The following EIF3H variants were observed in gnomAD, a reference collection of about 807,000 sequenced individuals.
EIF3H encodes the protein eIF-3-gamma.
In EIF3H, 26 loss-of-function variants were observed where a neutral mutation model predicts 44.2. The observed-to-expected ratio is 0.59, with a 90% CI of 0.43 to 0.82. The LOEUF (loss-of-function observed/expected upper bound fraction) is 0.82, where lower values mean the gene tolerates loss of function less well. Among genes scored for constraint, EIF3H ranks in the 40% least tolerant of loss-of-function variants. The pLI is 0.00. For missense variants in EIF3H, 359 were observed against 432.8 expected, an observed-to-expected ratio of 0.83 and a Z score of 1.51; for synonymous variants, 166 against 151.9, an observed-to-expected ratio of 1.09 and a Z score of -0.68.
chr8:116,697,178 CTG>C, intron 2 of EIF3H: 1 of 456,234 alleles, frequency 2.2e-6, no homozygotes, highest in Non-Finnish European at 4.4e-6. Context: ...GCCTCTTCTC[CTG>C]TGTGTGCTTG....
chr8:116,649,892 G>C (rs1261116280), intron 5 of EIF3H, among the ~76,000 whole-genome samples: 1 of 152,196 alleles, frequency 6.6e-6, no homozygotes, highest in African/African-American at 2.4e-5. Context: ...AGATGAGTCA[G>C]CTATGCCAAA....
intron 2 of EIF3H, among the ~76,000 whole-genome samples, chr8:116,681,166 C>T (rs1348058903): frequency 6.6e-6 from 1 of 151,986 alleles, no homozygotes; most frequent in African/African-American, 2.4e-5. Flanking sequence ...AGTTCGAGAC[C>T]AGCCTGGACA....
chr8:116,674,563 T>G (rs1247806812), intron 2 of EIF3H, among the ~76,000 whole-genome samples: 3 of 152,166 alleles, frequency 2.0e-5, no homozygotes, highest in Admixed American at 2.0e-4. Context: ...AGAAAACACC[T>G]AGTACCTCTC....
intron 2 of EIF3H, among the ~76,000 whole-genome samples, chr8:116,718,058 T>C (rs1332471444): frequency 6.6e-6 from 1 of 151,464 alleles, no homozygotes; most frequent in Non-Finnish European, 1.5e-5. Flanking sequence ...AAAAAACAAT[T>C]GCATCAAAAA....
At chr8:116,732,459 C>A (rs1814965830) in intron 1 of EIF3H, among the ~76,000 whole-genome samples, 1 of 152,150 alleles carries the variant, frequency 6.6e-6, no homozygotes, top group African/African-American at 2.4e-5. Flanking sequence ...ACCTCCCTAT[C>A]AAAATCATAT....
chr8:116,759,716 T>C (rs987174112), upstream of EIF3H, among the ~76,000 whole-genome samples: 2 of 152,084 alleles, frequency 1.3e-5, no homozygotes, highest in African/African-American at 4.8e-5. Flanking sequence ...TGTATGTGTG[T>C]GTGTGCGTGT....
At chr8:116,740,260 A>G (rs1022398388) in intron 1 of EIF3H, among the ~76,000 whole-genome samples, 1 of 152,216 alleles carries the variant, frequency 6.6e-6, no homozygotes, top group African/African-American at 2.4e-5. Context: ...GTCTCTCAAA[A>G]TACGTGACCA....
At chr8:116,710,153 T>C (rs1298170297) in intron 2 of EIF3H, among the ~76,000 whole-genome samples, 1 of 152,188 alleles carries the variant, frequency 6.6e-6, no homozygotes, top group African/African-American at 2.4e-5. Context: ...TTAACCATAC[T>C]GTGTACTCAG....
At chr8:116,696,899 A>G (rs1231143811) in intron 2 of EIF3H, among the ~76,000 whole-genome samples, 1 of 152,276 alleles carries the variant, frequency 6.6e-6, no homozygotes, top group Non-Finnish European at 1.5e-5. Flanking sequence ...CACAGGTGAC[A>G]AAACTTTTGT....
At chr8:116,686,046 A>G (rs751575202) in intron 2 of EIF3H, among the ~76,000 whole-genome samples, 1 of 152,200 alleles carries the variant, frequency 6.6e-6, no homozygotes, top group Non-Finnish European at 1.5e-5. Context: ...GATTTTACCC[A>G]GCATTTTAAT....
At chr8:116,752,808 G>A (rs1815380971) in intron 1 of EIF3H, among the ~76,000 whole-genome samples, 1 of 139,118 alleles carries the variant, frequency 7.2e-6, no homozygotes, top group Non-Finnish European at 1.6e-5. Flanking sequence ...AAGGAAGGAA[G>A]GAAGGAAGGA....
At chr8:116,672,432 C>A (rs944016436) in intron 2 of EIF3H, among the ~76,000 whole-genome samples, 1 of 152,094 alleles carries the variant, frequency 6.6e-6, no homozygotes, top group Non-Finnish European at 1.5e-5. Context: ...TCGAGACCAG[C>A]GCAGATGACA....
chr8:116,712,271 C>T (rs1203448889), intron 2 of EIF3H, among the ~76,000 whole-genome samples: 1 of 152,130 alleles, frequency 6.6e-6, no homozygotes, highest in Non-Finnish European at 1.5e-5. Flanking sequence ...AGGGAGTCAC[C>T]CATCCAATTC....
chr8:116,720,001 T>C (rs143758178), intron 2 of EIF3H, among the ~76,000 whole-genome samples: 148 of 152,312 alleles, frequency 9.7e-4, no homozygotes, highest in African/African-American at 3.3e-3. Flanking sequence ...AGTCCCTGTA[T>C]TACCAATTCC....
intron 2 of EIF3H, among the ~76,000 whole-genome samples, chr8:116,691,706 C>A (rs968607316): frequency 2.6e-5 from 4 of 152,096 alleles, no homozygotes; most frequent in Non-Finnish European, 5.9e-5. Flanking sequence ...GAAAGCCCGT[C>A]TCTACTAAAA....
chr8:116,662,360 G>T lies in EIF3H; in HGVS notation c.290-3380C>A, dbSNP rs1246865294. Among the ~76,000 whole-genome samples, 3 of 152,140 alleles carry T rather than the reference G, an allele frequency of 2.0e-5. No individual in the cohort carries two copies. In the South Asian group the frequency reaches 6.2e-4, roughly 31 times the overall value. ...TTAAAAGGTGGGGCTGGGGATGCTA[G>T]AGCTCCGAAATGAACCACAGTGCAC... On this transcript the variant is annotated intron_variant, in intron 2 of 7. Transcript: ENST00000521861.
intron 2 of EIF3H, among the ~76,000 whole-genome samples, chr8:116,663,464 A>T (rs140699860): frequency 4.6e-4 from 70 of 152,308 alleles, no homozygotes; most frequent in African/African-American, 1.6e-3. Flanking sequence ...TTCCTGGAGA[A>T]ATTTCCCAAA....
At position 116,656,194 on chromosome 8, in the gene EIF3H, T is replaced by C. The variant is rs570161833; in HGVS notation, c.558-189A>G. ...CATAAGTTGAGTGATTTGAGTAACT[T>C]TGAAAATGATGCGAATTTGAGCTAA... On this transcript the variant is annotated intron_variant, in intron 4 of 7. Transcript: ENST00000521861. Among the ~76,000 whole-genome samples, 6 of 152,054 alleles carry C rather than the reference T, an allele frequency of 3.9e-5. 1 individual carries two copies. Among genetic ancestry groups the C allele is most frequent in the African/African-American group, 7.2e-5 (3 of 41,490 alleles).
At chr8:116,648,602 CTCTT>C (rs1813341860) in intron 6 of EIF3H, among the ~76,000 whole-genome samples, 200 bp downstream of exon 6, 1 of 152,160 alleles carries the variant, frequency 6.6e-6, no homozygotes, top group Non-Finnish European at 1.5e-5. Context: ...CTTAACAGCT[CTCTT>C]TAACACAGGT....
Sources: gnomAD v4.1 joint callset for allele counts (sites outside exome capture counted in the v4.1 genomes callset) on GRCh38, gnomAD v4.1.1 for gene constraint, MANE v1.5 for transcripts, NCBI Gene and HGNC (gene_info 2026-07-23, HGNC 2026-07-21) for gene names.